ADNP: variants seen among roughly 807,000 people sequenced by gnomAD.
The protein encoded by ADNP is activity-dependent neuroprotector homeobox protein.
ADNP carries 4 observed loss-of-function variants against 84.9 expected under a neutral mutation model. The ratio of observed to expected loss-of-function variants is 0.05; its 90% CI spans 0.02 to 0.11. ADNP has a LOEUF of 0.11. ADNP is among the 10% of genes least tolerant of loss of function. The pLI is 1.00. For missense variants in ADNP, 1,132 were observed against 1,326.0 expected, an observed-to-expected ratio of 0.85 and a Z score of 2.27; for synonymous variants, 554 against 468.1, an observed-to-expected ratio of 1.18 and a Z score of -2.37.
intron 5 of ADNP, among the ~76,000 whole-genome samples, chr20:50,895,615 G>A (rs770206217): frequency 2.6e-5 from 4 of 151,974 alleles, no homozygotes; most frequent in African/African-American, 4.8e-5. Context: ...TGGCACAATC[G>A]GCTCACTGCA....
chr20:50,930,064 G>A (rs926165764), intron 1 of ADNP, among the ~76,000 whole-genome samples: 2 of 151,996 alleles, frequency 1.3e-5, no homozygotes, highest in African/African-American at 2.4e-5. Context: ...AGGCAGGCAG[G>A]CCTCCCAGAG....
chr20:50,909,142 G>C (rs764074616), intron 2 of ADNP, among the ~76,000 whole-genome samples: 2 of 151,352 alleles, frequency 1.3e-5, no homozygotes, highest in Non-Finnish European at 2.9e-5. Flanking sequence ...AGGCCGAGGC[G>C]GGCGGAACAC....
At chr20:50,919,288 A>AGT (rs1491367671) in intron 2 of ADNP, among the ~76,000 whole-genome samples, 8 of 90,792 alleles carry the variant, frequency 8.8e-5, no homozygotes, top group East Asian at 7.2e-4. Flanking sequence ...CATATATTTA[A>AGT]GTGTATATAT....
At chr20:50,930,435 G>C (rs1314193105) in intron 1 of ADNP, among the ~76,000 whole-genome samples, 1 of 147,780 alleles carries the variant, frequency 6.8e-6, no homozygotes, top group Non-Finnish European at 1.5e-5. Flanking sequence ...GTGTGCGTGG[G>C]GGGGCTCCTT....
chr20:50,929,841 C>CCTCCTAA (rs759741012), intron 1 of ADNP, among the ~76,000 whole-genome samples: 5 of 152,020 alleles, frequency 3.3e-5, no homozygotes, highest in Admixed American at 1.3e-4. Flanking sequence ...GTTCTTTTTC[C>CCTCCTAA]CTCCTAAGCC....
intron 5 of ADNP, among the ~76,000 whole-genome samples, chr20:50,894,903 A>G (rs1165741108): frequency 6.6e-6 from 1 of 152,232 alleles, no homozygotes; most frequent in Non-Finnish European, 1.5e-5. Flanking sequence ...CTCAAAAAAA[A>G]GCACTGATTT....
intron 3 of ADNP, chr20:50,904,269 A>C (rs1317653856): frequency 2.7e-6 from 1 of 371,430 alleles, no homozygotes; most frequent in Non-Finnish European, 5.0e-6. Context: ...TGGTTCATTG[A>C]CTGCAGTGCA....
At chr20:50,912,999 C>T (rs551657192) in intron 2 of ADNP, among the ~76,000 whole-genome samples, 13 of 151,974 alleles carry the variant, frequency 8.6e-5, no homozygotes, top group African/African-American at 3.1e-4. Context: ...TGTCTGTAAT[C>T]CCAGCAGTTT....
intron 2 of ADNP, among the ~76,000 whole-genome samples, chr20:50,927,621 C>T (rs1984379188): frequency 2.0e-5 from 3 of 151,582 alleles, no homozygotes; most frequent in Admixed American, 6.6e-5. Context: ...GTCTTGAACT[C>T]CTGGCCTCAA....
At position 50,920,281 on chromosome 20, in the gene ADNP, A is replaced by G. The variant is rs866045530; in HGVS notation, c.-90+8370T>C. On this transcript the variant is annotated intron_variant, in intron 2 of 5. Coordinates refer to ENST00000621696, the MANE Select transcript of ADNP (RefSeq NM_001282531.3). ...CACCTCCAAAAAAAAAAAAAAAAAA[A>G]AAAGAAAGAAAGAAAGAAAAAGAAA... is the stretch of plus-strand genomic sequence containing the variant. Among the ~76,000 whole-genome samples, 412 of 139,154 alleles carry G rather than the reference A, an allele frequency of 3.0e-3. 2 individuals are homozygous for G. The highest frequency in any genetic ancestry group is 7.5e-3 in the South Asian group (34 of 4,548). The allele number at this position is 139,154 out of a possible 152,430, so 91.3% of individuals were successfully genotyped here. A position where few individuals can be genotyped will look rare whatever the true frequency, so the allele number is the denominator to read the frequency against.
At chr20:50,930,345 C>G in intron 1 of ADNP, among the ~76,000 whole-genome samples, 1 of 152,096 alleles carries the variant, frequency 6.6e-6, no homozygotes, top group Non-Finnish European at 1.5e-5. Context: ...CATGCATGCT[C>G]CCCGCCCCCC....
intron 2 of ADNP, among the ~76,000 whole-genome samples, chr20:50,906,753 G>A (rs1320159104): frequency 6.6e-6 from 1 of 152,070 alleles, no homozygotes; most frequent in African/African-American, 2.4e-5. Flanking sequence ...GCCCATAAGG[G>A]AACTTAGTTG....
chr20:50,908,147 GTTTTTTTTTT>G (rs142605027), intron 2 of ADNP, among the ~76,000 whole-genome samples: 1 of 105,918 alleles, frequency 9.4e-6, no homozygotes, highest in Non-Finnish European at 1.9e-5. Flanking sequence ...AGATTTTTCT[GTTTTTTTTTT>G]TTTTTTTTTT....
chr20:50,921,502 A>C (rs947964796), intron 2 of ADNP, among the ~76,000 whole-genome samples: 10 of 152,246 alleles, frequency 6.6e-5, no homozygotes, highest in Non-Finnish European at 1.3e-4. Flanking sequence ...ATGTGGAGTC[A>C]CTGGTCTTTT....
intron 2 of ADNP, among the ~76,000 whole-genome samples, chr20:50,918,164 TTC>T (rs1444776552): frequency 6.6e-6 from 1 of 151,540 alleles, no homozygotes; most frequent in African/African-American, 2.4e-5. Flanking sequence ...AATAAACACA[TTC>T]TTTTTTTTTA....
intron 2 of ADNP, among the ~76,000 whole-genome samples, chr20:50,920,262 C>CAAAAAAAAAAAAAAAAAA (rs56181933): frequency 1.2e-4 from 8 of 64,532 alleles, no homozygotes; most frequent in East Asian, 9.6e-4. Flanking sequence ...ATTCCACCTC[C>CAAAAAAAAAAAAAAAAAA]AAAAAAAAAA....
intron 1 of ADNP, among the ~76,000 whole-genome samples, chr20:50,930,439 G>A (rs939908058): frequency 2.1e-5 from 3 of 145,134 alleles, no homozygotes; most frequent in African/African-American, 5.1e-5. Context: ...GCGTGGGGGG[G>A]CTCCTTTTGG....
intron 2 of ADNP, among the ~76,000 whole-genome samples, chr20:50,912,451 C>G (rs16995605): frequency 0.26 from 39,409 of 151,932 alleles, 5,246 homozygotes; most frequent in Admixed American, 0.27. Flanking sequence ...CGCCTAGCTT[C>G]AAACTTTTTA....
chr20:50,889,672 A>C lies in ADNP; in HGVS notation c.*1733T>G. ...TCTTTAGGCCACTATCCTTGAGGTG[A>C]CTGACCAGCCTCCTCATGGATTGGA... On this transcript the variant is annotated 3_prime_UTR_variant, in exon 6 of 6. Coordinates refer to ENST00000621696, the MANE Select transcript of ADNP (RefSeq NM_001282531.3). The C allele has an allele frequency of 2.6e-6, 1 of 388,226 alleles. No homozygotes were observed. The highest frequency in any genetic ancestry group is 4.5e-6 in the Non-Finnish European group (1 of 220,042). 24.0% of individuals were successfully genotyped at this position (388,226 alleles called of 1,614,324 possible).
Sources: gnomAD v4.1 joint callset for allele counts (sites outside exome capture counted in the v4.1 genomes callset) on GRCh38, gnomAD v4.1.1 for gene constraint, MANE v1.5 for transcripts, NCBI Gene and HGNC (gene_info 2026-07-23, HGNC 2026-07-21) for gene names.